Variants in FAM83B observed in about 807,000 individuals in gnomAD.
The protein encoded by FAM83B is scaffolding CK1 anchoring protein B.
Under a neutral mutation model 38.8 loss-of-function variants are expected in FAM83B, and 26 were observed. That is an observed-to-expected ratio of 0.67 (90% confidence interval 0.49 to 0.93). The LOEUF (loss-of-function observed/expected upper bound fraction) is 0.93, where lower values mean the gene tolerates loss of function less well. Ranked by LOEUF, FAM83B falls within the 40% of genes least tolerant of loss-of-function variation. The pLI is 0.00. For missense variants in FAM83B, 1,237 were observed against 1,197.3 expected, an observed-to-expected ratio of 1.03 and a Z score of -0.49; for synonymous variants, 419 against 423.1, an observed-to-expected ratio of 0.99 and a Z score of 0.12.
At position 54,940,703 on chromosome 6, in the gene FAM83B, A is replaced by T; in HGVS notation, c.1732A>T (p.Lys578Ter). ...TGGTTCTCAGGGAAGTGAGACACCTAAAGAGGTCCCAGACACCCCTACGAA... is the reference window on the plus strand; with the variant it reads ...TGGTTCTCAGGGAAGTGAGACACCTTAAGAGGTCCCAGACACCCCTACGAA... The part of the protein sequence containing the change: ...IIGSQGSETP[K>*]EVPDTPTNVQ... The change falls in exon 5 of 5, where the codon AAA becomes TAA. Residue 578 changes from lysine to a stop codon, truncating the protein, a stop_gained. Coordinates refer to ENST00000306858, the MANE Select transcript of FAM83B (RefSeq NM_001010872.3). LOFTEE classifies it low-confidence loss of function (END_TRUNC). The T allele has an allele frequency of 6.2e-7, 1 of 1,614,018 alleles. No individual in the cohort carries two copies. The highest frequency in any genetic ancestry group is 8.5e-7 in the Non-Finnish European group (1 of 1,180,004).
chr6:54,860,882 T>C (rs78275614), intron 1 of FAM83B, among the ~76,000 whole-genome samples: 3,103 of 152,302 alleles, frequency 0.02, 108 homozygotes, highest in African/African-American at 0.071. Flanking sequence ...CTTGTGTACA[T>C]GTTCACAGCA....
intron 2 of FAM83B, among the ~76,000 whole-genome samples, chr6:54,902,553 G>A (rs2127582509): frequency 6.6e-6 from 1 of 151,990 alleles, no homozygotes; most frequent in African/African-American, 2.4e-5. Context: ...TGTTTTTCTG[G>A]AGGCTACACA....
At chr6:54,910,393 A>G (rs1044756490) in intron 2 of FAM83B, among the ~76,000 whole-genome samples, 2 of 151,700 alleles carry the variant, frequency 1.3e-5, no homozygotes, top group Non-Finnish European at 2.9e-5. Context: ...TTAGCGTGCT[A>G]TTTTCTGTTC....
At chr6:54,911,756 T>G (rs941245295) in intron 2 of FAM83B, among the ~76,000 whole-genome samples, 2 of 152,144 alleles carry the variant, frequency 1.3e-5, no homozygotes, top group Non-Finnish European at 2.9e-5. Flanking sequence ...AAATGAAGTC[T>G]CAAGAAATCT....
Position 54,903,476 on chromosome 6 carries a change from A to G in FAM83B, c.445-22895A>G, listed in dbSNP as rs116249906. On this transcript the variant is annotated intron_variant, in intron 2 of 4. Transcript: ENST00000306858. ...CACCTGCTAACTTTGAATGTTGTCA[A>G]TAGCTTCAATTTTTAACAAAGATGA... Among the ~76,000 whole-genome samples the G allele has an allele frequency of 8.4e-3, 1,274 of 152,314 alleles. 14 individuals are homozygous for G. The highest frequency in any genetic ancestry group is 0.011 in the Non-Finnish European group (777 of 68,030).
In FAM83B at chr6:54,940,269, A is replaced by T. The variant is rs919519373; in HGVS notation, c.1298A>T (p.Tyr433Phe). 9 of 1,613,934 alleles carry T rather than the reference A, an allele frequency of 5.6e-6. No individual in the cohort carries two copies. The highest frequency in any genetic ancestry group is 7.6e-6 in the Non-Finnish European group (9 of 1,180,000). The change falls in exon 5 of 5, where the codon TAT becomes TTT. Residue 433 changes from tyrosine to phenylalanine, a missense_variant. Physicochemically the swap from Tyr to Phe is conservative, Grantham distance 22 (BLOSUM62 3). Transcript: ENST00000306858. The part of the protein sequence containing the change: ...LSVASSSREG[Y>F]VSHHNTPAQS... ...GTGGCGTCCTCATCACGGGAAGGCT[A>T]TGTAAGCCACCACAACACACCTGCC...
Position 54,883,223 on chromosome 6 carries a change from G to A in FAM83B, c.444+12533G>A, listed in dbSNP as rs549914843. On this transcript the variant is annotated intron_variant, in intron 2 of 4. Transcript: ENST00000306858. ...CTCCCAAAGTGCTGGGATTACAGGC[G>A]TGAGCCACCATGCCTAGCCATTATT... 2.1e-4 allele frequency among the ~76,000 whole-genome samples: 32 copies of A among 151,932 alleles called. No individual in the cohort carries two copies. In the South Asian group the frequency reaches 2.3e-3, roughly 11 times the overall value.
chr6:54,889,837 A>T lies in FAM83B; in HGVS notation c.444+19147A>T, dbSNP rs775389303. Among the ~76,000 whole-genome samples, 94 of 152,272 alleles carry T rather than the reference A, an allele frequency of 6.2e-4. 1 individual carries two copies. Among genetic ancestry groups the T allele is most frequent in the Admixed American group, 5.9e-4 (9 of 15,286 alleles). On this transcript the variant is annotated intron_variant, in intron 2 of 4. Transcript: ENST00000306858. ...ACAAATGGTTGACTCTATTGGAAAC[A>T]TAATAGAGTTTAAGTACTCATGGCT...
intron 1 of FAM83B, among the ~76,000 whole-genome samples, chr6:54,852,692 A>G (rs1771333080): frequency 6.6e-6 from 1 of 152,220 alleles, no homozygotes; most frequent in Non-Finnish European, 1.5e-5. Context: ...CTCTTGTACT[A>G]GACAATTATC....
intron 2 of FAM83B, among the ~76,000 whole-genome samples, chr6:54,890,926 A>G (rs1772386896): frequency 6.6e-6 from 1 of 151,430 alleles, no homozygotes; most frequent in African/African-American, 2.4e-5. Flanking sequence ...CTCAGCTACC[A>G]TTACTTCTAA....
chr6:54,931,551 CTTT>C (rs1371307558), intron 4 of FAM83B, among the ~76,000 whole-genome samples: 1 of 151,942 alleles, frequency 6.6e-6, no homozygotes, highest in Non-Finnish European at 1.5e-5. Flanking sequence ...TAATATTCTT[CTTT>C]ATCTCTTATA....
intron 1 of FAM83B, among the ~76,000 whole-genome samples, chr6:54,849,666 G>C (rs537693408): frequency 7.9e-5 from 12 of 151,816 alleles, no homozygotes; most frequent in Non-Finnish European, 1.3e-4. Context: ...GATCATGAAC[G>C]GTAGGAAACT....
chr6:54,939,607 A>C, intron 4 of FAM83B, 99 bp from the exon 5 acceptor site: 1 of 1,110,048 alleles, frequency 9.0e-7, no homozygotes, highest in Non-Finnish European at 1.2e-6. Flanking sequence ...GCCAAAGAAA[A>C]GTACAAAAAC....
At chr6:54,926,034 A>T (rs2127588372) in intron 2 of FAM83B, among the ~76,000 whole-genome samples, 1 of 152,226 alleles carries the variant, frequency 6.6e-6, no homozygotes, top group Admixed American at 6.5e-5. Flanking sequence ...AAAAATTGTA[A>T]CACTGGTTTC....
intron 2 of FAM83B, among the ~76,000 whole-genome samples, chr6:54,906,091 T>A (rs1772770997): frequency 6.6e-6 from 1 of 151,896 alleles, no homozygotes; most frequent in Non-Finnish European, 1.5e-5. Context: ...CCAGTGACAT[T>A]CTAAATGAAG....
intron 4 of FAM83B, among the ~76,000 whole-genome samples, chr6:54,933,020 C>T (rs1036317518): frequency 1.4e-4 from 22 of 152,096 alleles, no homozygotes; most frequent in Admixed American, 1.4e-3. Flanking sequence ...TTTTTGTCCA[C>T]TATTTCTTCA....
intron 2 of FAM83B, among the ~76,000 whole-genome samples, chr6:54,902,518 G>A (rs1183000046): frequency 2.0e-5 from 3 of 152,120 alleles, no homozygotes; most frequent in Admixed American, 1.3e-4. Flanking sequence ...TATGATCATC[G>A]TCTTTGTGGA....
chr6:54,932,594 G>A (rs1222705509), intron 4 of FAM83B, among the ~76,000 whole-genome samples: 3 of 152,042 alleles, frequency 2.0e-5, no homozygotes, highest in Non-Finnish European at 4.4e-5. Flanking sequence ...GCTTTGTGTT[G>A]CTCTCTACCA....
chr6:54,940,729 T>G lies in FAM83B; in HGVS notation c.1758T>G (p.Asn586Lys), dbSNP rs1008428832. The G allele has an allele frequency of 1.9e-6, 3 of 1,613,894 alleles. No individual in the cohort carries two copies. The African/African-American group carries it at 4.0e-5, about 22-fold the overall frequency. ...TPKEVPDTPT[N>K]VQHLTDKPLP... The stretch of plus-strand genomic sequence containing the variant: ...AAGAGGTCCCAGACACCCCTACGAA[T>G]GTACAGCATTTGACAGACAAACCCT... Residue 586 changes from asparagine to lysine, a missense_variant, in exon 5 of 5, where the codon AAT becomes AAG. Coordinates refer to ENST00000306858, the MANE Select transcript of FAM83B (RefSeq NM_001010872.3).
Sources: allele counts gnomAD v4.1 joint callset (sites outside exome capture counted in the v4.1 genomes callset), GRCh38; gene constraint gnomAD v4.1.1; transcripts MANE v1.5; gene names NCBI Gene and HGNC (gene_info 2026-07-23, HGNC 2026-07-21).